MIR2052HG: variants seen among roughly 807,000 people sequenced by gnomAD.
MIR2052HG encodes MIR2052 host gene.
chr8:74,620,567 C>T (rs1203807552), intron 2 of MIR2052HG, among the ~76,000 whole-genome samples: 1 of 152,270 alleles, frequency 6.6e-6, no homozygotes, highest in Non-Finnish European at 1.5e-5. Context: ...CATGTGTAAG[C>T]TGCCAAAGCT....
chr8:74,617,897 C>T (rs917827189), intron 2 of MIR2052HG, among the ~76,000 whole-genome samples: 1 of 152,214 alleles, frequency 6.6e-6, no homozygotes, highest in Non-Finnish European at 1.5e-5. Context: ...AATAGCCATT[C>T]TGACTGGTGT....
At chr8:74,632,119 A>T (rs1475517395) in intron 2 of MIR2052HG, among the ~76,000 whole-genome samples, 2 of 152,192 alleles carry the variant, frequency 1.3e-5, no homozygotes, top group Non-Finnish European at 2.9e-5. Context: ...CTTAGACATC[A>T]CAACACCTCT....
chr8:74,748,760 A>C (rs1809913003), intron 4 of MIR2052HG, among the ~76,000 whole-genome samples: 1 of 152,152 alleles, frequency 6.6e-6, no homozygotes, highest in Non-Finnish European at 1.5e-5. Context: ...TAAAGGAAAA[A>C]ATTCTTGCTG....
chr8:74,644,147 T>G (rs1167451465), intron 2 of MIR2052HG, among the ~76,000 whole-genome samples: 1 of 152,210 alleles, frequency 6.6e-6, no homozygotes, highest in African/African-American at 2.4e-5. Context: ...CAGTGTCTTT[T>G]CTCTCTACTT....
At chr8:74,613,210 T>C (rs1037199581) in intron 2 of MIR2052HG, among the ~76,000 whole-genome samples, 1 of 152,226 alleles carries the variant, frequency 6.6e-6, no homozygotes, top group Non-Finnish European at 1.5e-5. Context: ...TCTCAAAATA[T>C]ACTTTTAGCA....
At chr8:74,659,633 A>G (rs760847272) in intron 2 of MIR2052HG, among the ~76,000 whole-genome samples, 1 of 152,102 alleles carries the variant, frequency 6.6e-6, no homozygotes, top group Non-Finnish European at 1.5e-5. Flanking sequence ...TCTCGTAGAT[A>G]TGGGATCTCA....
intron 2 of MIR2052HG, among the ~76,000 whole-genome samples, chr8:74,621,360 CTG>C (rs1808359065): frequency 6.6e-6 from 1 of 152,192 alleles, no homozygotes; most frequent in Non-Finnish European, 1.5e-5. Context: ...ACTCCACTCT[CTG>C]TGGTATCAAT....
intron 2 of MIR2052HG, among the ~76,000 whole-genome samples, chr8:74,662,889 T>TGTGTGTGC (rs1554574442): frequency 6.7e-6 from 1 of 148,218 alleles, no homozygotes; most frequent in African/African-American, 2.6e-5. Context: ...TGTGTGTGTG[T>TGTGTGTGC]GTGTGGTATA....
intron 2 of MIR2052HG, among the ~76,000 whole-genome samples, chr8:74,669,101 C>G (rs1808963073): frequency 6.6e-6 from 1 of 152,186 alleles, no homozygotes; most frequent in Non-Finnish European, 1.5e-5. Flanking sequence ...TTTAAATCAA[C>G]ATTTCTGCTT....
intron 2 of MIR2052HG, among the ~76,000 whole-genome samples, chr8:74,689,947 A>G (rs1294698733): frequency 6.6e-6 from 1 of 152,158 alleles, no homozygotes; most frequent in African/African-American, 2.4e-5. Context: ...AGCCTTCACT[A>G]TGGGCCAGAC....
At chr8:74,685,544 CGTTTG>C (rs980827263) in intron 2 of MIR2052HG, among the ~76,000 whole-genome samples, 3 of 152,072 alleles carry the variant, frequency 2.0e-5, no homozygotes, top group Admixed American at 6.6e-5. Context: ...ACTTCTGTAG[CGTTTG>C]GTTTGGGTCA....
intron 2 of MIR2052HG, among the ~76,000 whole-genome samples, chr8:74,622,189 C>T (rs376247223): frequency 6.6e-6 from 1 of 152,228 alleles, no homozygotes; most frequent in African/African-American, 2.4e-5. Flanking sequence ...ATATGAAGAA[C>T]TCAGATAACT....
chr8:74,707,299 G>C (rs1809420984), intron 4 of MIR2052HG, among the ~76,000 whole-genome samples: 1 of 152,100 alleles, frequency 6.6e-6, no homozygotes, highest in Admixed American at 6.6e-5. Context: ...AGGAGAGGCT[G>C]AAAGTCTTCT....
chr8:74,618,518 A>G (rs545114110), intron 2 of MIR2052HG, among the ~76,000 whole-genome samples: 1 of 152,342 alleles, frequency 6.6e-6, no homozygotes, highest in African/African-American at 2.4e-5. Flanking sequence ...GTGATCCATC[A>G]CATTAACAGA....
chr8:74,667,218 C>T (rs963508876), intron 2 of MIR2052HG, among the ~76,000 whole-genome samples: 4 of 152,092 alleles, frequency 2.6e-5, no homozygotes, highest in African/African-American at 9.7e-5. Flanking sequence ...AAAGGGTGGG[C>T]TTATCTGAGG....
intron 2 of MIR2052HG, among the ~76,000 whole-genome samples, chr8:74,668,396 A>G (rs950291128): frequency 1.3e-5 from 2 of 152,302 alleles, no homozygotes; most frequent in African/African-American, 2.4e-5. Context: ...TTTGTTTGCC[A>G]TGAATTTAGA....
intron 2 of MIR2052HG, among the ~76,000 whole-genome samples, chr8:74,658,467 T>G (rs1808829546): frequency 6.6e-6 from 1 of 151,994 alleles, no homozygotes; most frequent in Non-Finnish European, 1.5e-5. Flanking sequence ...CTTGGCTCAC[T>G]GCAACCTCCA....
chr8:74,697,133 T>C (rs1486719534), intron 2 of MIR2052HG, among the ~76,000 whole-genome samples: 2 of 152,136 alleles, frequency 1.3e-5, no homozygotes, highest in Admixed American at 6.5e-5. Flanking sequence ...TCCACCATGA[T>C]CAAGTGGGTT....
At chr8:74,711,831 A>T (rs1191534157) in intron 4 of MIR2052HG, among the ~76,000 whole-genome samples, 1 of 152,198 alleles carries the variant, frequency 6.6e-6, no homozygotes, top group African/African-American at 2.4e-5. Flanking sequence ...TTATAACCGC[A>T]GATGTAAGCC....
Sources: gnomAD v4.1 joint callset for allele counts (sites outside exome capture counted in the v4.1 genomes callset) on GRCh38, gnomAD v4.1.1 for gene constraint, MANE v1.5 for transcripts, NCBI Gene and HGNC (gene_info 2026-07-23, HGNC 2026-07-21) for gene names.